The following SLC4A8 variants were observed in gnomAD, a reference collection of about 807,000 sequenced individuals.
SLC4A8 encodes solute carrier family 4 member 8, also known as electroneutral sodium bicarbonate exchanger 1.
A neutral mutation model predicts 125.0 loss-of-function variants in SLC4A8; 40 were observed. That is an observed-to-expected ratio of 0.32 (90% CI 0.25 to 0.42). The LOEUF (loss-of-function observed/expected upper bound fraction) is 0.42. SLC4A8 is among the 10% of genes least tolerant of loss of function. The pLI is 1.00. For missense variants in SLC4A8, 863 were observed against 1,355.1 expected (o/e 0.64, Z 5.70); for synonymous variants, 456 against 476.0 (o/e 0.96, Z 0.55).
At chr12:51,433,884 G>GTTTTTTTTTTTTTTTTTTTTTT (rs1565772495) in intron 1 of SLC4A8, among the ~76,000 whole-genome samples, 1 of 72,204 alleles carries the variant, frequency 1.4e-5, no homozygotes, top group Non-Finnish European at 2.8e-5. Context: ...TTTTTGGTTG[G>GTTTTTTTTTTTTTTTTTTTTTT]TTTTTTTTTG....
At chr12:51,459,340 G>A (rs548928344) in intron 7 of SLC4A8, among the ~76,000 whole-genome samples, 1 of 152,306 alleles carries the variant, frequency 6.6e-6, no homozygotes, top group African/African-American at 2.4e-5. Flanking sequence ...GAAGCTTGGG[G>A]GAATGGGATT....
At chr12:51,453,759 A>C in intron 5 of SLC4A8, 60 bp downstream of exon 5, 1 of 1,531,410 alleles carries the variant, frequency 6.5e-7, no homozygotes, top group South Asian at 1.2e-5. Context: ...GTGTGGGAAA[A>C]AAGGAGTGTG....
At chr12:51,399,476 T>A (rs1948329025) in intron 1 of SLC4A8, among the ~76,000 whole-genome samples, 2 of 151,408 alleles carry the variant, frequency 1.3e-5, no homozygotes, top group Non-Finnish European at 2.9e-5. Context: ...ATTTTTTTTT[T>A]ATTACATTGC....
At chr12:51,470,319 A>G in intron 12 of SLC4A8, 73 bp from the exon 13 acceptor site, 1 of 1,455,662 alleles carries the variant, frequency 6.9e-7, no homozygotes, top group African/African-American at 1.4e-5. Flanking sequence ...GAGCAAAGTC[A>G]GGAATGTAGC....
At position 51,403,363 on chromosome 12, in the gene SLC4A8, C is replaced by CCCAA. The variant is rs1948429233; in HGVS notation, c.-112+11876_-112+11877insCAAC. On this transcript the variant is annotated intron_variant, in intron 1 of 24. Transcript: ENST00000358657. ...CTCATTTCCAGAGTTTGGGCAGGAG[C>CCCAA]CATGACAGCCTGTTGATGAGCTTGG... is the stretch of plus-strand genomic sequence containing the variant. The CCCAA allele has an allele frequency of 9.7e-6, 4 of 410,872 alleles. No homozygotes were observed. In the Admixed American group the frequency reaches 1.0e-4, roughly 11 times the overall value. 25.5% of individuals were successfully genotyped at this position (410,872 alleles called of 1,614,324 possible). A position where few individuals can be genotyped will look rare whatever the true frequency, so the allele number is the denominator to read the frequency against.
rs113500896 is a variant in SLC4A8 at position 51,451,164 on chromosome 12, G to T, written c.277+142G>T. On this transcript the variant is annotated intron_variant, in intron 3 of 24. Coordinates refer to ENST00000453097, the MANE Select transcript of SLC4A8 (RefSeq NM_001039960.3). Reference sequence around the variant, plus strand: ...CCAAAGCTTGCTTCTAAGAAGAAATGCCTCTAAGAGTCAAAAATATTTTCG... The same window carrying T: ...CCAAAGCTTGCTTCTAAGAAGAAATTCCTCTAAGAGTCAAAAATATTTTCG... 972 of 795,684 alleles carry T rather than the reference G, an allele frequency of 1.2e-3. 14 individuals carry two copies. The African/African-American group carries it at 0.016, about 13-fold the overall frequency. The allele number at this position is 795,684 out of a possible 1,614,324, so 49.3% of individuals were successfully genotyped here. A position where few individuals can be genotyped will look rare whatever the true frequency, so the allele number is the denominator to read the frequency against.
Position 51,469,694 on chromosome 12 carries a change from A to G in SLC4A8, c.1430A>G (p.Gln477Arg), listed in dbSNP as rs935367860. Reference sequence around the variant, plus strand: ...GACTACCGAGATGCACTCAGCTTACAGTGTTTGGCTTCCTTTCTGTTCCTG... The same window carrying G: ...GACTACCGAGATGCACTCAGCTTACGGTGTTTGGCTTCCTTTCTGTTCCTG... ...WSDYRDALSL[Q>R]CLASFLFLYC... Residue 477 changes from glutamine to arginine, a missense_variant, in exon 12 of 25, where the codon CAG becomes CGG. By Grantham distance (43) the Gln-to-Arg change is conservative. Coordinates refer to ENST00000453097, the MANE Select transcript of SLC4A8 (RefSeq NM_001039960.3). 4 of 1,613,862 alleles carry G rather than the reference A, an allele frequency of 2.5e-6. No homozygotes were observed. Among genetic ancestry groups the G allele is most frequent in the Non-Finnish European group, 3.4e-6 (4 of 1,179,992 alleles).
intron 24 of SLC4A8, 55 bp downstream of exon 24, chr12:51,505,985 G>A (rs1177315850): frequency 5.0e-6 from 4 of 796,788 alleles, no homozygotes; most frequent in African/African-American, 1.7e-5. Flanking sequence ...TGACAATGGC[G>A]ATATTGAAGG....
chr12:51,507,054 C>T (rs1314057556), intron 24 of SLC4A8, among the ~76,000 whole-genome samples: 2 of 152,098 alleles, frequency 1.3e-5, no homozygotes, highest in Non-Finnish European at 2.9e-5. Flanking sequence ...TCAGTTTACT[C>T]AGCAGGAAAA....
intron 1 of SLC4A8, chr12:51,402,944 G>A (rs1280319493): frequency 3.1e-6 from 1 of 318,062 alleles, no homozygotes; most frequent in Non-Finnish European, 6.3e-6. Flanking sequence ...TATGGGACTG[G>A]GGGTCCCTGA....
At chr12:51,478,953 A>G (rs1037156298) in intron 16 of SLC4A8, among the ~76,000 whole-genome samples, 1 of 146,354 alleles carries the variant, frequency 6.8e-6, no homozygotes, top group African/African-American at 2.5e-5. Flanking sequence ...CATCTGCACA[A>G]TGATGTGATG....
chr12:51,424,845 A>G lies in SLC4A8; in HGVS notation c.-143A>G, dbSNP rs1238375742. 7 of 830,772 alleles carry G rather than the reference A, an allele frequency of 8.4e-6. No homozygotes were observed. Among genetic ancestry groups the G allele is most frequent in the African/African-American group, 1.8e-5 (1 of 56,282 alleles). 51.5% of individuals were successfully genotyped at this position (830,772 alleles called of 1,614,324 possible). On this transcript the variant is annotated 5_prime_UTR_variant, in exon 1 of 25. It removes an upstream start codon present in the reference 5' UTR. Coordinates refer to ENST00000453097, the MANE Select transcript of SLC4A8 (RefSeq NM_001039960.3). Reference sequence around the variant, plus strand: ...GCGGATGCCTCGCGGGCCGGTGGCTATGGAGGCGGCGGCGGTTGATGGTTG... The same window carrying G: ...GCGGATGCCTCGCGGGCCGGTGGCTGTGGAGGCGGCGGCGGTTGATGGTTG...
At chr12:51,426,407 G>C (rs1313774713) in intron 1 of SLC4A8, among the ~76,000 whole-genome samples, 3 of 152,146 alleles carry the variant, frequency 2.0e-5, no homozygotes, top group African/African-American at 7.2e-5. Context: ...TGGGGGAGGG[G>C]AGAAGTACTA....
intron 2 of SLC4A8, among the ~76,000 whole-genome samples, chr12:51,448,252 T>G (rs1280050069): frequency 6.6e-6 from 1 of 152,134 alleles, no homozygotes; most frequent in Non-Finnish European, 1.5e-5. Flanking sequence ...GGGCCCCTGC[T>G]TTGTTAAAGT....
rs770461744 is a variant in SLC4A8 at position 51,511,652 on chromosome 12, G to A, written c.*4214G>A. The A allele has an allele frequency of 6.6e-6, 1 of 152,226 alleles. No homozygotes were observed. Among genetic ancestry groups the A allele is most frequent in the Non-Finnish European group, 1.5e-5 (1 of 68,064 alleles). 9.4% of individuals were successfully genotyped at this position (152,226 alleles called of 1,614,324 possible). ...GATCCACCCACCTCAGCCTCCCAAA[G>A]TGCTGGGATTACAGGTATGAGCCAC... On this transcript the variant is annotated 3_prime_UTR_variant, in exon 25 of 25. Transcript: ENST00000453097.
chr12:51,392,892 A>T (rs1368809687), intron 1 of SLC4A8: 3 of 152,186 alleles, frequency 2.0e-5, no homozygotes, highest in African/African-American at 7.2e-5. Flanking sequence ...CATGACTCCA[A>T]ATAGCCAATA....
At chr12:51,474,316 G>A (rs1374853944) in intron 14 of SLC4A8, 26 bp from the exon 15 acceptor site, 1 of 1,459,318 alleles carries the variant, frequency 6.9e-7, no homozygotes. Context: ...GTTTTCCTCA[G>A]GAATCTTTTT....
upstream of SLC4A8, chr12:51,420,278 T>C (rs957195085): frequency 6.6e-6 from 1 of 152,184 alleles, no homozygotes; most frequent in African/African-American, 2.4e-5. Flanking sequence ...ACCTATTTAA[T>C]TGCAAGTAAA....
At chr12:51,453,787 C>T in intron 5 of SLC4A8, 88 bp downstream of exon 5, 2 of 1,325,344 alleles carry the variant, frequency 1.5e-6, no homozygotes, top group Admixed American at 1.9e-5. Flanking sequence ...AGAAAGAATA[C>T]AGTGGGTTGT....
Sources: gnomAD v4.1 joint callset for allele counts (sites outside exome capture counted in the v4.1 genomes callset) on GRCh38, gnomAD v4.1.1 for gene constraint, MANE v1.5 for transcripts, NCBI Gene and HGNC (gene_info 2026-07-23, HGNC 2026-07-21) for gene names.